Variants in ZNF814 observed in about 807,000 individuals in gnomAD.
ZNF814 encodes the protein zinc finger protein 814.
In ZNF814, 5 loss-of-function variants were observed where a neutral mutation model predicts 7.5. That is an observed-to-expected ratio of 0.67 (90% CI 0.35 to 1.40). ZNF814 has a LOEUF of 1.40. Among genes scored for constraint, ZNF814 ranks in the 40% most tolerant of loss-of-function variants. The pLI, the probability that ZNF814 is intolerant of heterozygous loss-of-function variation, is 0.04. For missense variants in ZNF814, 962 were observed against 1,018.0 expected (o/e 0.94, Z 0.75); for synonymous variants, 315 against 340.7 (o/e 0.92, Z 0.83).
intron 1 of ZNF814, among the ~76,000 whole-genome samples, chr19:57,887,618 A>C (rs937046991): frequency 6.6e-6 from 1 of 152,192 alleles, no homozygotes; most frequent in African/African-American, 2.4e-5. Flanking sequence ...TTAGCTGAGA[A>C]AGCCAGACGA....
At chr19:57,898,952 AAAAAAG>A in the ZNF814 span, among the ~76,000 whole-genome samples, 66 of 151,926 alleles carry the variant, frequency 4.3e-4, no homozygotes, top group African/African-American at 1.3e-3. Flanking sequence ...AAAAAAAAAA[AAAAAAG>A]AAAAGAAAAA....
upstream of ZNF814, among the ~76,000 whole-genome samples, chr19:57,890,772 C>A (rs977458507): frequency 6.6e-6 from 1 of 152,040 alleles, no homozygotes; most frequent in African/African-American, 2.4e-5. Context: ...ATGATAATTT[C>A]TAATCTATGG....
the ZNF814 span, among the ~76,000 whole-genome samples, chr19:57,905,047 C>CCA: frequency 2.8e-4 from 15 of 53,424 alleles, 1 homozygote; most frequent in African/African-American, 1.2e-3. Context: ...AACTCCGTCT[C>CCA]AAAAAAAAAA....
Position 57,873,370 on chromosome 19 carries a change from T to C in ZNF814, c.2020A>G (p.Asn674Asp). 1 of 1,602,924 alleles carries C rather than the reference T, an allele frequency of 6.2e-7. No individual in the cohort carries two copies. Among genetic ancestry groups the C allele is most frequent in the Non-Finnish European group, 8.5e-7 (1 of 1,174,458 alleles). Residue 674 changes from asparagine to aspartate, a missense_variant, in exon 3 of 3, where the codon AAC becomes GAC. Coordinates refer to ENST00000435989, the MANE Select transcript of ZNF814 (RefSeq NM_001144989.2). Reference sequence around the variant, plus strand: ...TGGCCATGCTGGTGTAGAATGAGGTTACCCTTGTGACTAAAACATTTCCCA... The same window carrying C: ...TGGCCATGCTGGTGTAGAATGAGGTCACCCTTGTGACTAAAACATTTCCCA... ...ECGKCFSHKG[N>D]LILHQHGHTG... is the part of the protein sequence containing the mutation.
Position 57,884,551 on chromosome 19 carries a change from G to A in ZNF814, c.36+4216C>T, listed in dbSNP as rs555900262. 5.9e-5 allele frequency among the ~76,000 whole-genome samples: 9 copies of A among 152,310 alleles called. No individual in the cohort carries two copies. In the East Asian group the frequency reaches 1.5e-3, roughly 26 times the overall value. On this transcript the variant is annotated intron_variant, in intron 1 of 2. Transcript: ENST00000435989. ...CAGGATAGCCTGAGCCCAGGTGGTC[G>A]AAGCTGCAGTGAGCCATCATCACAC...
At chr19:57,876,727 G>T (rs887569868) in intron 2 of ZNF814, 189 bp downstream of exon 2, 4 of 909,738 alleles carry the variant, frequency 4.4e-6, no homozygotes, top group Non-Finnish European at 6.4e-6. Flanking sequence ...AGTAAAGCAG[G>T]TGTTGGGGCT....
chr19:57,871,991 T>G lies in ZNF814; in HGVS notation c.*831A>C, dbSNP rs966658006. Among the ~76,000 whole-genome samples, 3 of 151,994 alleles carry G rather than the reference T, an allele frequency of 2.0e-5. No individual in the cohort carries two copies. The South Asian group carries it at 6.2e-4, about 32-fold the overall frequency. On this transcript the variant is annotated 3_prime_UTR_variant, in exon 3 of 3. Coordinates refer to ENST00000435989, the MANE Select transcript of ZNF814 (RefSeq NM_001144989.2). ...GAGCATGGTAGTGCATGCCTGTGGT[T>G]TCAGCTACTCAGGAGGCCGAGGCAA... is the stretch of plus-strand genomic sequence containing the variant.
chr19:57,873,531 A>G lies in ZNF814; in HGVS notation c.1859T>C (p.Val620Ala). 6.2e-7 allele frequency: 1 copy of G among 1,614,042 alleles called. No individual in the cohort carries two copies. Among genetic ancestry groups the G allele is most frequent in the Middle Eastern group, 1.6e-4 (1 of 6,062 alleles). Residue 620 changes from valine (V) to alanine (A), a missense_variant, in exon 3 of 3, where the codon GTT becomes GCT. Val to Ala is a moderately conservative substitution (Grantham distance 64, BLOSUM62 0). This residue lies in a region of ZNF814 where 665 missense variants were observed against 551.4 expected (regional missense o/e 1.21). Transcript: ENST00000435989. ...GKSFSHKRSL[V>A]HHQRMHTGER... ...TCCAGTGTGCATGCGCTGATGGTGA[A>G]CAAGGCTGCGCTTATGACTAAAAGA...
rs376717954 is a variant in ZNF814 at position 57,873,896 on chromosome 19, C to T, written c.1494G>A (p.Gly498=). 1.3e-5 allele frequency: 21 copies of T among 1,613,648 alleles called. No individual in the cohort carries two copies. The highest frequency in any genetic ancestry group is 2.7e-5 in the African/African-American group (2 of 74,786). The change falls in exon 3 of 3, where the codon GGG becomes GGA. Residue 498 remains glycine (G), a synonymous_variant. Coordinates refer to ENST00000435989, the MANE Select transcript of ZNF814 (RefSeq NM_001144989.2). ...GGTTGCCCTTTTGACTGAAAGATTT[C>T]CCACATTCTCCACACTGATAAGGTC... The part of the protein sequence containing the change: ...GERPYQCGEC[G]KSFSQKGNLV...
At position 57,873,003 on chromosome 19, in the gene ZNF814, C is replaced by G. The variant is rs368424387; in HGVS notation, c.2387G>C (p.Gly796Ala). Residue 796 changes from glycine to alanine, a missense_variant, in exon 3 of 3, where the codon GGA becomes GCA. Transcript: ENST00000435989. ...SFTKHKRVHT[G>A]EKPYECSECG... ...TTCACTGCACTCATAAGGCTTTTCT[C>G]CAGTGTGAACTCTTTTGTGTTTTGT... is the stretch of plus-strand genomic sequence containing the variant. 6.2e-7 allele frequency: 1 copy of G among 1,613,808 alleles called. No individual in the cohort carries two copies. Among genetic ancestry groups the G allele is most frequent in the Non-Finnish European group, 8.5e-7 (1 of 1,179,888 alleles).
At chr19:57,888,463 G>GC (rs941615730) in intron 1 of ZNF814, among the ~76,000 whole-genome samples, 4 of 152,132 alleles carry the variant, frequency 2.6e-5, no homozygotes, top group Admixed American at 1.3e-4. Flanking sequence ...TGAGTTCATA[G>GC]CCCCCAGCCT....
the ZNF814 span, among the ~76,000 whole-genome samples, chr19:57,903,889 T>G: frequency 6.9e-4 from 105 of 152,336 alleles, no homozygotes; most frequent in African/African-American, 2.5e-3. Flanking sequence ...GGCTCGTTTT[T>G]CTGACATAAT....
chr19:57,873,976 A>G lies in ZNF814; in HGVS notation c.1414T>C (p.Ser472Pro). The change falls in exon 3 of 3, where the codon TCT becomes CCT. Residue 472 changes from serine to proline, a missense_variant. Physicochemically the swap from Ser to Pro is moderately conservative, Grantham distance 74 (BLOSUM62 -1). Transcript: ENST00000435989. ...RPFKCGECVK[S>P]FSHKRSLVHH... is the part of the protein sequence containing the mutation. ...ACAAGGCTGCGCTTATGACTGAAAG[A>G]TTTCACACATTCTCCACACTTGAAA... The G allele has an allele frequency of 6.2e-6, 10 of 1,613,948 alleles. No homozygotes were observed. The highest frequency in any genetic ancestry group is 8.5e-6 in the Non-Finnish European group (10 of 1,179,910).
chr19:57,889,055 G>A (rs1006138036), upstream of ZNF814: 1 of 537,464 alleles, frequency 1.9e-6, no homozygotes, highest in East Asian at 2.9e-5. Context: ...ACCAGAGGGC[G>A]CCGGAAGTCC....
At chr19:57,903,961 C>T in the ZNF814 span, among the ~76,000 whole-genome samples, 1 of 152,178 alleles carries the variant, frequency 6.6e-6, no homozygotes, top group Non-Finnish European at 1.5e-5. Context: ...ACCTTTGGAA[C>T]ACCAAACTCT....
chr19:57,887,842 A>G (rs992473381), intron 1 of ZNF814, among the ~76,000 whole-genome samples: 5 of 152,214 alleles, frequency 3.3e-5, no homozygotes, highest in Admixed American at 6.5e-5. Context: ...CGTAGTGCCC[A>G]TATCTAACTC....
chr19:57,884,896 C>G (rs1341236547), intron 1 of ZNF814, among the ~76,000 whole-genome samples: 4 of 152,122 alleles, frequency 2.6e-5, no homozygotes, highest in South Asian at 4.1e-4. Flanking sequence ...TCCAGCAATC[C>G]CACTGCTGGG....
rs1406901065 is a variant in ZNF814 at position 57,888,689 on chromosome 19, C to T, written c.36+78G>A. The T allele has an allele frequency of 9.2e-6, 14 of 1,527,662 alleles. No individual in the cohort carries two copies. In the South Asian group the frequency reaches 1.6e-4, roughly 17 times the overall value. 94.6% of individuals were successfully genotyped at this position (1,527,662 alleles called of 1,614,324 possible). On this transcript the variant is annotated intron_variant, in intron 1 of 2. Coordinates refer to ENST00000435989, the MANE Select transcript of ZNF814 (RefSeq NM_001144989.2). ...CAACGCCGGCGTCCGGGCTGCAGAG[C>T]CGTGAACAGGCGCTGCTACCTCGCT... is the stretch of plus-strand genomic sequence containing the variant.
At chr19:57,883,347 G>A (rs1309939588) in intron 1 of ZNF814, among the ~76,000 whole-genome samples, 1 of 129,394 alleles carries the variant, frequency 7.7e-6, no homozygotes, top group East Asian at 2.3e-4. Flanking sequence ...GCGACAGCGA[G>A]ACTCCATCTC....
Sources: allele counts gnomAD v4.1 joint callset (sites outside exome capture counted in the v4.1 genomes callset), GRCh38; gene constraint gnomAD v4.1.1; regional missense constraint gnomAD v4.1.1; transcripts MANE v1.5; gene names NCBI Gene and HGNC (gene_info 2026-07-23, HGNC 2026-07-21).